GNPAT: variants seen among roughly 807,000 people sequenced by gnomAD.
GNPAT encodes the protein dihydroxyacetone phosphate acyltransferase.
A neutral mutation model predicts 78.4 loss-of-function variants in GNPAT; 30 were observed. The observed-to-expected ratio is 0.38, with a 90% CI of 0.29 to 0.52. The LOEUF is 0.52. Among genes scored for constraint, GNPAT ranks in the 20% least tolerant of loss-of-function variants. The probability of loss-of-function intolerance (pLI) is 0.84; values close to 1 mark genes in which losing one functional copy is unlikely to be tolerated. For missense variants in GNPAT, 714 were observed against 812.2 expected (o/e 0.88, Z 1.47); for synonymous variants, 271 against 281.1 (o/e 0.96, Z 0.36).
chr1:231,273,903 G>A lies in GNPAT; in HGVS notation c.1603-19G>A. On this transcript the variant is annotated intron_variant, in intron 11 of 15. Transcript: ENST00000366647. Reference sequence around the variant, plus strand: ...CCCATTAACCTAGATGAACATTATGGCTTCCTCTTCCCTTCTAGGACTTTG... The same window carrying A: ...CCCATTAACCTAGATGAACATTATGACTTCCTCTTCCCTTCTAGGACTTTG... 1 of 1,608,488 alleles carries A rather than the reference G, an allele frequency of 6.2e-7. No homozygotes were observed. Among genetic ancestry groups the A allele is most frequent in the African/African-American group, 1.3e-5 (1 of 74,908 alleles).
intron 10 of GNPAT, among the ~76,000 whole-genome samples, chr1:231,271,567 T>C (rs988958177): frequency 6.6e-6 from 1 of 152,116 alleles, no homozygotes. Flanking sequence ...GGGCCAGCCA[T>C]TGGTGTTTGG....
intron 10 of GNPAT, among the ~76,000 whole-genome samples, chr1:231,271,365 G>A (rs896849893): frequency 8.5e-5 from 13 of 152,218 alleles, no homozygotes; most frequent in African/African-American, 3.1e-4. Flanking sequence ...CAGATGAGCA[G>A]TCAGCAGTCG....
At chr1:231,270,686 C>T (rs1685537923) in intron 9 of GNPAT, 72 bp from the exon 10 acceptor site, 10 of 1,427,768 alleles carry the variant, frequency 7.0e-6, no homozygotes, top group Middle Eastern at 1.7e-4. Context: ...CCATTAATAA[C>T]GTTAACGTAC....
At chr1:231,260,384 G>A (rs1011455862) in intron 2 of GNPAT, 123 bp from the exon 3 acceptor site, 24 of 753,526 alleles carry the variant, frequency 3.2e-5, no homozygotes, top group South Asian at 2.8e-4. Context: ...CAATTAAGAA[G>A]ACACTATCTT....
intron 1 of GNPAT, among the ~76,000 whole-genome samples, chr1:231,250,552 T>C (rs1349134691): frequency 1.3e-5 from 2 of 152,216 alleles, no homozygotes; most frequent in African/African-American, 4.8e-5. Flanking sequence ...TTTTATTTTA[T>C]ATAATTTGGG....
intron 1 of GNPAT, among the ~76,000 whole-genome samples, chr1:231,243,064 A>T (rs1322818344): frequency 6.6e-6 from 1 of 152,264 alleles, no homozygotes; most frequent in African/African-American, 2.4e-5. Flanking sequence ...TGCAGCAAAC[A>T]TTAGGAATAT....
Position 231,265,428 on chromosome 1 carries a change from C to A in GNPAT, c.696+8C>A. 6.3e-7 allele frequency: 1 copy of A among 1,596,600 alleles called. No homozygotes were observed. Among genetic ancestry groups the A allele is most frequent in the Non-Finnish European group, 8.6e-7 (1 of 1,164,096 alleles). On this transcript the variant is annotated splice_region_variant and intron_variant, in intron 5 of 15. Coordinates refer to ENST00000366647, the MANE Select transcript of GNPAT (RefSeq NM_014236.4). The stretch of plus-strand genomic sequence containing the variant: ...GTAAAAACTATGTTACGGGTAAATG[C>A]AAATAATTCCCAACTACTCTTAAGC...
intron 1 of GNPAT, among the ~76,000 whole-genome samples, 161 bp downstream of exon 1, chr1:231,241,617 G>A (rs1684608604): frequency 1.3e-5 from 2 of 152,262 alleles, no homozygotes; most frequent in Admixed American, 6.5e-5. Flanking sequence ...GGACAACAGT[G>A]TATCGCTGTG....
chr1:231,244,377 G>A (rs1684694335), intron 1 of GNPAT, among the ~76,000 whole-genome samples: 1 of 152,136 alleles, frequency 6.6e-6, no homozygotes, highest in Non-Finnish European at 1.5e-5. Flanking sequence ...CCAGGAAGAA[G>A]GGAAATTGAT....
intron 9 of GNPAT, among the ~76,000 whole-genome samples, chr1:231,270,472 G>A (rs1342539701): frequency 6.6e-6 from 1 of 152,162 alleles, no homozygotes. Flanking sequence ...CAGAAGTGGT[G>A]TTCATTTTCA....
At chr1:231,269,239 G>C (rs752091506) in intron 9 of GNPAT, among the ~76,000 whole-genome samples, 1 of 152,096 alleles carries the variant, frequency 6.6e-6, no homozygotes, top group Non-Finnish European at 1.5e-5. Flanking sequence ...TCACAGAAGC[G>C]ACTTTTGAAC....
In GNPAT at chr1:231,267,840, G is replaced by A. The variant is rs1422208656; in HGVS notation, c.1216G>A (p.Val406Met). The change falls in exon 9 of 16, where the codon GTG becomes ATG. Residue 406 changes from valine (V) to methionine (M), a missense_variant. Coordinates refer to ENST00000366647, the MANE Select transcript of GNPAT (RefSeq NM_014236.4). The part of the protein sequence containing the change: ...NRPSMDFDAL[V>M]EKTLWLKGLT... The stretch of plus-strand genomic sequence containing the variant: ...GCCATCCATGGACTTTGATGCTCTG[G>A]TGGAAAAGACTTTATGGCTAAAAGG... 1.2e-6 allele frequency: 2 copies of A among 1,613,984 alleles called. No homozygotes were observed. The highest frequency in any genetic ancestry group is 1.7e-6 in the Non-Finnish European group (2 of 1,179,946).
At chr1:231,259,027 A>C (rs1298378358) in intron 2 of GNPAT, among the ~76,000 whole-genome samples, 1 of 152,040 alleles carries the variant, frequency 6.6e-6, no homozygotes, top group African/African-American at 2.4e-5. Context: ...TTTTTGCTTT[A>C]ATTCATATCA....
At chr1:231,253,321 C>T (rs553247592) in intron 2 of GNPAT, among the ~76,000 whole-genome samples, 6 of 152,266 alleles carry the variant, frequency 3.9e-5, no homozygotes, top group African/African-American at 1.4e-4. Flanking sequence ...GGAGTATTGC[C>T]CCAGACTTCA....
At chr1:231,270,443 C>T (rs1230766401) in intron 9 of GNPAT, among the ~76,000 whole-genome samples, 2 of 152,094 alleles carry the variant, frequency 1.3e-5, no homozygotes, top group African/African-American at 2.4e-5. Context: ...CTTTAGATTC[C>T]CTTGGTTCCT....
intron 2 of GNPAT, among the ~76,000 whole-genome samples, chr1:231,257,354 G>A (rs1489490528): frequency 6.6e-6 from 1 of 152,084 alleles, no homozygotes; most frequent in Admixed American, 6.6e-5. Context: ...TGGGCTACAT[G>A]TGGTGTCTGC....
Position 231,242,735 on chromosome 1 carries a change from G to C in GNPAT, c.78+1279G>C, listed in dbSNP as rs548659985. Among the ~76,000 whole-genome samples, 172 of 152,336 alleles carry C rather than the reference G, an allele frequency of 1.1e-3. 2 individuals are homozygous for C. The highest frequency in any genetic ancestry group is 4.1e-3 in the African/African-American group (169 of 41,574). On this transcript the variant is annotated intron_variant, in intron 1 of 15. Transcript: ENST00000366647. ...GGAATTTTCCTTTTGTACATTAAAGGAAGGAGTTGGTTTTGTTTGTTTGTT... is the reference window on the plus strand; with the variant it reads ...GGAATTTTCCTTTTGTACATTAAAGCAAGGAGTTGGTTTTGTTTGTTTGTT...
chr1:231,268,790 C>T (rs1270978141), intron 9 of GNPAT, among the ~76,000 whole-genome samples: 1 of 151,674 alleles, frequency 6.6e-6, no homozygotes, highest in Non-Finnish European at 1.5e-5. Context: ...CCTGTAATCC[C>T]AGCTACTCGG....
At position 231,274,031 on chromosome 1, in the gene GNPAT, G is replaced by A. The variant is rs781254777; in HGVS notation, c.1712G>A (p.Gly571Glu). The change falls in exon 12 of 16, where the codon GGA becomes GAA. Residue 571 changes from glycine (G) to glutamate (E), a missense_variant. Gly to Glu is a moderately conservative substitution (Grantham distance 98). Coordinates refer to ENST00000366647, the MANE Select transcript of GNPAT (RefSeq NM_014236.4). The stretch of plus-strand genomic sequence containing the variant: ...AATACTGTGTTAGAATTTTTAGTAG[G>A]ACTCTTTAAACCTTTTGTGGAAAGC... ...KGNTVLEFLV[G>E]LFKPFVESYQ... The A allele has an allele frequency of 6.2e-7, 1 of 1,613,490 alleles. No individual in the cohort carries two copies. Among genetic ancestry groups the A allele is most frequent in the South Asian group, 1.1e-5 (1 of 91,070 alleles).
Sources: gnomAD v4.1 joint callset for allele counts (sites outside exome capture counted in the v4.1 genomes callset) on GRCh38, gnomAD v4.1.1 for gene constraint, MANE v1.5 for transcripts, NCBI Gene and HGNC (gene_info 2026-07-23, HGNC 2026-07-21) for gene names.